The following PADI2 variants were observed in gnomAD, a reference collection of about 807,000 sequenced individuals.
PADI2 encodes protein-arginine deiminase type-2.
In PADI2, 70 loss-of-function variants were observed where a neutral mutation model predicts 81.1. That is an observed-to-expected ratio of 0.86 (90% CI 0.71 to 1.05). The LOEUF is 1.05. Among genes scored for constraint, PADI2 ranks in the 50% least tolerant of loss-of-function variants. The pLI is 0.00. For synonymous variants in PADI2, 338 were observed against 358.0 expected, an observed-to-expected ratio of 0.94 and a Z score of 0.63; for missense variants, 853 against 889.9, an observed-to-expected ratio of 0.96 and a Z score of 0.53.
At chr1:17,071,979 G>A (rs1157169751) in intron 13 of PADI2, among the ~76,000 whole-genome samples, 4 of 151,454 alleles carry the variant, frequency 2.6e-5, no homozygotes, top group African/African-American at 9.7e-5. Context: ...AGCTTGATTA[G>A]TAATGCCTAA....
At position 17,119,384 on chromosome 1, in the gene PADI2, A is replaced by G; in HGVS notation, c.-13T>C. ...GCTCGCGCAGCATCCTCCCCGCCGC[A>G]GTGCCCGCGCTCGCTGGTCCGGGGC... On this transcript the variant is annotated 5_prime_UTR_variant, in exon 1 of 16. Transcript: ENST00000375486. This position sits in a 1 kb window ranked among gnomAD's most constrained non-coding sequence, Gnocchi z 4.8. The G allele has an allele frequency of 2.6e-6, 4 of 1,524,058 alleles. No individual in the cohort carries two copies. The highest frequency in any genetic ancestry group is 3.5e-6 in the Non-Finnish European group (4 of 1,135,624). The allele number at this position is 1,524,058 out of a possible 1,614,324, so 94.4% of individuals were successfully genotyped here.
intron 9 of PADI2, 69 bp from the exon 10 acceptor site, chr1:17,082,721 C>T (rs535937607): frequency 1.8e-5 from 16 of 894,472 alleles, no homozygotes; most frequent in African/African-American, 5.0e-5. Flanking sequence ...GCAGAAAACT[C>T]GAGAAACACA....
chr1:17,105,165 C>A, intron 1 of PADI2, 104 bp from the exon 2 acceptor site: 2 of 754,674 alleles, frequency 2.7e-6, no homozygotes, highest in South Asian at 2.5e-5. Context: ...GGTCAAAGCC[C>A]GAGAATCACT....
Position 17,079,278 on chromosome 1 carries a change from C to T in PADI2, c.1296G>A (p.Gly432=), listed in dbSNP as rs373517351. The T allele has an allele frequency of 6.3e-5, 102 of 1,613,806 alleles. No homozygotes were observed. In the African/African-American group the frequency reaches 1.1e-3, roughly 17 times the overall value. ...KTYPLGRILI[G]SSFPLSGGRR... ...GCTTCTCTTACAGAGGAAAGCTGCT[C>T]CCGATGAGGATGCGGCCAAGCGGGT... is the stretch of plus-strand genomic sequence containing the variant. The change falls in exon 11 of 16, where the codon GGG becomes GGA. Residue 432 remains glycine, a synonymous_variant. Transcript: ENST00000375486.
chr1:17,082,441 G>T (rs1284469613), intron 10 of PADI2, 104 bp downstream of exon 10: 3 of 749,210 alleles, frequency 4.0e-6, no homozygotes, highest in Admixed American at 4.1e-5. Context: ...GAGGCTCTGG[G>T]CAGCAGATGA....
At chr1:17,070,489 T>C (rs543610826) in intron 14 of PADI2, among the ~76,000 whole-genome samples, 36 of 152,284 alleles carry the variant, frequency 2.4e-4, no homozygotes, top group Non-Finnish European at 3.8e-4. Flanking sequence ...TGCTAAGTGC[T>C]TCCCACACAG....
rs961145105 is a variant in PADI2, at chr1:17,119,416, G to C, written c.-45C>G. 25 of 1,430,772 alleles carry C rather than the reference G, an allele frequency of 1.7e-5. No homozygotes were observed. Among genetic ancestry groups the C allele is most frequent in the Non-Finnish European group, 2.4e-5 (25 of 1,059,446 alleles). The allele number at this position is 1,430,772 out of a possible 1,614,324, so 88.6% of individuals were successfully genotyped here. ...GCGCTCGCTGGTCCGGGGCGGCCGGGAGCACCTGCAGCAGGTGCGCCTTCT... is the reference window on the plus strand; with the variant it reads ...GCGCTCGCTGGTCCGGGGCGGCCGGCAGCACCTGCAGCAGGTGCGCCTTCT... On this transcript the variant is annotated 5_prime_UTR_variant, in exon 1 of 16. Transcript: ENST00000375486. The surrounding 1 kb of genome is among the most constrained non-coding windows in gnomAD (Gnocchi z 4.8).
At position 17,068,992 on chromosome 1, in the gene PADI2, G is replaced by T; in HGVS notation, c.*52C>A. ...CAGCAGAAGGCTCTGGGCGTGTGAG[G>T]GAGGGTCTGGAGAACTAAGCGAAGG... On this transcript the variant is annotated 3_prime_UTR_variant, in exon 16 of 16. Coordinates refer to ENST00000375486, the MANE Select transcript of PADI2 (RefSeq NM_007365.3). 1.5e-6 allele frequency: 2 copies of T among 1,321,426 alleles called. No individual in the cohort carries two copies. The highest frequency in any genetic ancestry group is 2.2e-6 in the Non-Finnish European group (2 of 913,294). 81.9% of individuals were successfully genotyped at this position (1,321,426 alleles called of 1,614,324 possible).
chr1:17,104,113 T>G (rs1415621433), intron 2 of PADI2, among the ~76,000 whole-genome samples: 1 of 136,412 alleles, frequency 7.3e-6, no homozygotes, highest in Non-Finnish European at 1.6e-5. Flanking sequence ...AAACCCCATC[T>G]CTACTAAAAA....
intron 6 of PADI2, among the ~76,000 whole-genome samples, chr1:17,087,850 G>T (rs1930527784): frequency 6.6e-6 from 1 of 152,218 alleles, no homozygotes; most frequent in Admixed American, 6.5e-5. Context: ...CGAGGGTAGA[G>T]ACAGGCCCAG....
intron 1 of PADI2, among the ~76,000 whole-genome samples, chr1:17,117,660 G>C (rs1167620596): frequency 6.6e-6 from 1 of 152,200 alleles, no homozygotes; most frequent in African/African-American, 2.4e-5. Context: ...AGGATAGAGC[G>C]ATAGCAGGGC....
Position 17,069,221 on chromosome 1 carries a change from C to T in PADI2, c.1821G>A (p.Gln607=). ...DLGIPKPFGP[Q]VEEECCLEMH... is the part of the protein sequence containing the mutation. Reference sequence around the variant, plus strand: ...TCTCCAGGCAGCATTCCTCCTCAACCTGTGGCCCGAATGGCTTGGGGATGC... The same window carrying T: ...TCTCCAGGCAGCATTCCTCCTCAACTTGTGGCCCGAATGGCTTGGGGATGC... Residue 607 remains glutamine, a synonymous_variant, in exon 16 of 16, where the codon CAG becomes CAA. Transcript: ENST00000375486. 2.5e-6 allele frequency: 4 copies of T among 1,614,258 alleles called. No individual in the cohort carries two copies. Among genetic ancestry groups the T allele is most frequent in the Non-Finnish European group, 3.4e-6 (4 of 1,180,036 alleles).
chr1:17,117,685 C>A (rs187010158), intron 1 of PADI2, among the ~76,000 whole-genome samples: 88 of 152,344 alleles, frequency 5.8e-4, no homozygotes, highest in African/African-American at 2.0e-3. Flanking sequence ...GAGCAGGAAC[C>A]CTCCTTTGCT....
intron 3 of PADI2, among the ~76,000 whole-genome samples, chr1:17,096,292 C>T (rs971884764): frequency 2.0e-5 from 3 of 152,196 alleles, no homozygotes; most frequent in Non-Finnish European, 4.4e-5. Context: ...TGCCTCAGTT[C>T]AGAGGTGAAG....
At chr1:17,114,349 G>C (rs1931685771) in intron 1 of PADI2, among the ~76,000 whole-genome samples, 1 of 152,086 alleles carries the variant, frequency 6.6e-6, no homozygotes, top group Non-Finnish European at 1.5e-5. Flanking sequence ...TCACAAACAA[G>C]GAGGAGGCAC....
At chr1:17,100,331 C>T (rs573648590) in intron 3 of PADI2, among the ~76,000 whole-genome samples, 1 of 152,346 alleles carries the variant, frequency 6.6e-6, no homozygotes, top group South Asian at 2.1e-4. Context: ...GTCGCCGAGG[C>T]TGGAGTGCAG....
chr1:17,113,151 A>T (rs997954189), intron 1 of PADI2, among the ~76,000 whole-genome samples: 9 of 152,172 alleles, frequency 5.9e-5, no homozygotes, highest in Admixed American at 4.6e-4. Context: ...TTTCTTTCCC[A>T]TAAGTGCTAT....
At chr1:17,093,277 G>A (rs1361154820) in intron 5 of PADI2, among the ~76,000 whole-genome samples, 1 of 152,050 alleles carries the variant, frequency 6.6e-6, no homozygotes, top group African/African-American at 2.4e-5. Context: ...TGTATTTTTA[G>A]TAGAGATGGG....
At chr1:17,097,103 CAT>C (rs146712912) in intron 3 of PADI2, among the ~76,000 whole-genome samples, 7,050 of 152,272 alleles carry the variant, frequency 0.046, 517 homozygotes, top group African/African-American at 0.16. Context: ...GTGTCACACA[CAT>C]GACATGTGCC....
Sources: allele counts gnomAD v4.1 joint callset (sites outside exome capture counted in the v4.1 genomes callset), GRCh38; gene constraint gnomAD v4.1.1; non-coding constraint Gnocchi (gnomAD v3.1); transcripts MANE v1.5; gene names NCBI Gene and HGNC (gene_info 2026-07-23, HGNC 2026-07-21).